The following DHTKD1 variants were observed in gnomAD, a reference collection of about 807,000 sequenced individuals.
The protein encoded by DHTKD1 is 2-oxoadipate dehydrogenase complex component E1.
DHTKD1 carries 78 observed loss-of-function variants against 101.8 expected under a neutral mutation model. That is an observed-to-expected ratio of 0.77 (90% CI 0.64 to 0.93). The LOEUF (loss-of-function observed/expected upper bound fraction) is 0.93. Ranked by LOEUF, DHTKD1 falls within the 40% of genes least tolerant of loss-of-function variation. The probability of loss-of-function intolerance (pLI) is 0.00; values close to 1 mark genes in which losing one functional copy is unlikely to be tolerated. For missense variants in DHTKD1, 1,223 were observed against 1,161.7 expected (o/e 1.05, Z -0.77); for synonymous variants, 462 against 450.3 (o/e 1.03, Z -0.33).
chr10:12,106,372 A>G lies in DHTKD1; in HGVS notation c.2023A>G (p.Ile675Val). The change falls in exon 11 of 17, where the codon ATC (isoleucine) becomes GTC (valine). Residue 675 changes from isoleucine (I) to valine (V), a missense_variant. By Grantham distance (29) the Ile-to-Val change is conservative. Coordinates refer to ENST00000263035, the MANE Select transcript of DHTKD1 (RefSeq NM_018706.7). ...FGDFFNGAQIIFDTFISGGEA... is the reference protein window; with the variant it reads ...FGDFFNGAQIVFDTFISGGEA... The stretch of plus-strand genomic sequence containing the variant: ...CGATTTCTTCAATGGTGCCCAGATC[A>G]TCTTTGACACATTCATCTCTGGAGG... 6.2e-7 allele frequency: 1 copy of G among 1,614,212 alleles called. No homozygotes were observed. Among genetic ancestry groups the G allele is most frequent in the Non-Finnish European group, 8.5e-7 (1 of 1,180,040 alleles).
intron 12 of DHTKD1, among the ~76,000 whole-genome samples, chr10:12,112,044 G>A (rs1442666412): frequency 6.8e-6 from 1 of 146,916 alleles, no homozygotes; most frequent in Non-Finnish European, 1.5e-5. Context: ...GCCAGGCATG[G>A]TGGCTCATGC....
At chr10:12,080,474 A>T (rs946718585) in intron 1 of DHTKD1, among the ~76,000 whole-genome samples, 1 of 151,774 alleles carries the variant, frequency 6.6e-6, no homozygotes, top group East Asian at 1.9e-4. Flanking sequence ...GCACTTCAGG[A>T]GGCATGGCAG....
chr10:12,079,572 G>A (rs965515991), intron 1 of DHTKD1, among the ~76,000 whole-genome samples: 1 of 152,100 alleles, frequency 6.6e-6, no homozygotes, highest in Non-Finnish European at 1.5e-5. Context: ...GGAGGCTGAG[G>A]CAGGGGAATC....
Position 12,100,254 on chromosome 10 carries a change from T to G in DHTKD1, c.1748T>G (p.Leu583Arg). 6.8e-7 allele frequency: 1 copy of G among 1,478,870 alleles called. No homozygotes were observed. The highest frequency in any genetic ancestry group is 9.2e-7 in the Non-Finnish European group (1 of 1,086,364). The allele number at this position is 1,478,870 out of a possible 1,614,324, so 91.6% of individuals were successfully genotyped here. ...GAAGCTCTTGCCTTGGGTTCTTTAC[T>G]TGCTCAAGGTAAGAATTTTCTTTTT... Reference protein sequence around the residue: ...TAEALALGSLLAQGFNVRLSG... With the variant: ...TAEALALGSLRAQGFNVRLSG... Residue 583 changes from leucine (L) to arginine (R), a missense_variant, in exon 9 of 17, where the codon CTT (leucine) becomes CGT (arginine). By Grantham distance (102) the Leu-to-Arg change is moderately radical. Coordinates refer to ENST00000263035, the MANE Select transcript of DHTKD1 (RefSeq NM_018706.7).
intron 1 of DHTKD1, among the ~76,000 whole-genome samples, chr10:12,075,862 C>T (rs905129751): frequency 6.6e-6 from 1 of 151,058 alleles, no homozygotes; most frequent in Non-Finnish European, 1.5e-5. Context: ...CAGTTAATTC[C>T]ATTTATTTTT....
rs1271574765 is a variant in DHTKD1 at position 12,072,739 on chromosome 10, C to CT, written c.154+3566dup. ...GAGTAGTGATTCATGGGTGTTCTTC[C>CT]TTTTTTTTTTTTTTGAGATGGAGTT... On this transcript the variant is annotated intron_variant, in intron 1 of 16. Transcript: ENST00000263035. Among the ~76,000 whole-genome samples the CT allele has an allele frequency of 5.6e-3, 789 of 140,796 alleles. 4 individuals are homozygous for CT. The highest frequency in any genetic ancestry group is 0.012 in the South Asian group (51 of 4,424). 92.4% of individuals were successfully genotyped at this position (140,796 alleles called of 152,430 possible).
At position 12,106,378 on chromosome 10, in the gene DHTKD1, G is replaced by C; in HGVS notation, c.2029G>C (p.Asp677His). The C allele has an allele frequency of 6.2e-7, 1 of 1,614,216 alleles. No homozygotes were observed. The highest frequency in any genetic ancestry group is 8.5e-7 in the Non-Finnish European group (1 of 1,180,044). ...CTTCAATGGTGCCCAGATCATCTTT[G>C]ACACATTCATCTCTGGAGGTTGGTG... Reference protein sequence around the residue: ...DFFNGAQIIFDTFISGGEAKW... With the variant: ...DFFNGAQIIFHTFISGGEAKW... Residue 677 changes from aspartate (D) to histidine (H), a missense_variant, in exon 11 of 17, where the codon GAC (aspartate) becomes CAC (histidine). Physicochemically the swap from Asp to His is moderately conservative, Grantham distance 81 (BLOSUM62 -1). Coordinates refer to ENST00000263035, the MANE Select transcript of DHTKD1 (RefSeq NM_018706.7).
intron 1 of DHTKD1, among the ~76,000 whole-genome samples, chr10:12,080,051 T>A (rs1832790291): frequency 6.6e-6 from 1 of 151,258 alleles, no homozygotes; most frequent in Non-Finnish European, 1.5e-5. Context: ...GAGGCCGAGG[T>A]GGGTGGATCA....
intron 12 of DHTKD1, among the ~76,000 whole-genome samples, chr10:12,109,154 TAAATA>T (rs1377143351): frequency 1.3e-5 from 2 of 151,776 alleles, no homozygotes; most frequent in East Asian, 3.8e-4. Context: ...AAAAATTAAA[TAAATA>T]AATAAATAAA....
intron 1 of DHTKD1, among the ~76,000 whole-genome samples, chr10:12,073,052 T>C (rs1314862662): frequency 4.0e-5 from 6 of 150,494 alleles, no homozygotes; most frequent in Non-Finnish European, 7.4e-5. Context: ...TTTGTTTTTT[T>C]GAGACACAGT....
Position 12,089,047 on chromosome 10 carries a change from A to T in DHTKD1, c.779A>T (p.Asp260Val). The T allele has an allele frequency of 6.2e-7, 1 of 1,613,962 alleles. No individual in the cohort carries two copies. The highest frequency in any genetic ancestry group is 8.5e-7 in the Non-Finnish European group (1 of 1,179,884). ...CCAGAGAATTTCTCAGCCACTGGAGACGTCCTGTCTCACCTGACCTCCTCT... is the reference window on the plus strand; with the variant it reads ...CCAGAGAATTTCTCAGCCACTGGAGTCGTCCTGTCTCACCTGACCTCCTCT... ...EFPENFSATG[D>V]VLSHLTSSVD... Residue 260 changes from aspartate (D) to valine (V), a missense_variant, in exon 5 of 17, where the codon GAC (aspartate) becomes GTC (valine). Coordinates refer to ENST00000263035, the MANE Select transcript of DHTKD1 (RefSeq NM_018706.7).
At chr10:12,118,471 C>T (rs1224437210) in intron 14 of DHTKD1, among the ~76,000 whole-genome samples, 1 of 151,778 alleles carries the variant, frequency 6.6e-6, no homozygotes, top group Admixed American at 6.6e-5. Context: ...CAAGCTCCGC[C>T]TCCCGGGTTC....
chr10:12,104,040 C>T (rs905777154), intron 10 of DHTKD1, among the ~76,000 whole-genome samples: 1 of 152,134 alleles, frequency 6.6e-6, no homozygotes, highest in African/African-American at 2.4e-5. Context: ...CACCACTCAT[C>T]GACTGTTTGT....
chr10:12,073,067 C>G (rs1056648255), intron 1 of DHTKD1, among the ~76,000 whole-genome samples: 1 of 149,870 alleles, frequency 6.7e-6, no homozygotes, highest in African/African-American at 2.5e-5. Flanking sequence ...CACAGTCACT[C>G]CGTGGCCCAG....
intron 9 of DHTKD1, among the ~76,000 whole-genome samples, chr10:12,100,669 T>C (rs1005287604): frequency 2.0e-5 from 3 of 152,208 alleles, no homozygotes; most frequent in Non-Finnish European, 4.4e-5. Context: ...TTGTGTTCAT[T>C]GACCAGAGAG....
chr10:12,115,398 C>T (rs933398385), intron 13 of DHTKD1, among the ~76,000 whole-genome samples: 8 of 152,070 alleles, frequency 5.3e-5, no homozygotes, highest in African/African-American at 1.2e-4. Context: ...TGCCTGGCCT[C>T]GTTGTTTTAA....
intron 8 of DHTKD1, 105 bp downstream of exon 8, chr10:12,098,101 TA>T (rs1423682822): frequency 2.5e-5 from 27 of 1,089,604 alleles, no homozygotes; most frequent in Non-Finnish European, 3.5e-5. Context: ...GACAAATATT[TA>T]TTGTGTGTCG....
chr10:12,106,298 T>A lies in DHTKD1; in HGVS notation c.1949T>A (p.Met650Lys). ...GCCGTCCTGGGATTTGAATATGGGA[T>A]GAGCATTGAGAGCCCAAAGTTACTG... ...EEAVLGFEYG[M>K]SIESPKLLPL... The change falls in exon 11 of 17, where the codon ATG becomes AAG. Residue 650 changes from methionine (M) to lysine (K), a missense_variant. Physicochemically the swap from Met to Lys is moderately conservative, Grantham distance 95 (BLOSUM62 -1). Coordinates refer to ENST00000263035, the MANE Select transcript of DHTKD1 (RefSeq NM_018706.7). 1 of 1,614,124 alleles carries A rather than the reference T, an allele frequency of 6.2e-7. No individual in the cohort carries two copies. The highest frequency in any genetic ancestry group is 8.5e-7 in the Non-Finnish European group (1 of 1,180,018).
chr10:12,085,831 G>A (rs1472402742), intron 3 of DHTKD1, among the ~76,000 whole-genome samples: 1 of 149,176 alleles, frequency 6.7e-6, no homozygotes, highest in African/African-American at 2.5e-5. Flanking sequence ...AGGTTGCAGC[G>A]AGCCGAGATC....
Sources: gnomAD v4.1 joint callset for allele counts (sites outside exome capture counted in the v4.1 genomes callset) on GRCh38, gnomAD v4.1.1 for gene constraint, MANE v1.5 for transcripts, NCBI Gene and HGNC (gene_info 2026-07-23, HGNC 2026-07-21) for gene names.